The following NRG1 variants were observed in gnomAD, a reference collection of about 807,000 sequenced individuals.
NRG1 encodes neuregulin 1.
NRG1 carries 18 observed loss-of-function variants against 63.8 expected under a neutral mutation model. That is an observed-to-expected ratio of 0.28 (90% CI 0.19 to 0.42). The LOEUF is 0.42. NRG1 is among the 10% of genes least tolerant of loss of function. The probability of loss-of-function intolerance (pLI) is 1.00; values close to 1 mark genes in which losing one functional copy is unlikely to be tolerated. For synonymous variants in NRG1, 302 were observed against 301.3 expected, an observed-to-expected ratio of 1.00 and a Z score of -0.02; for missense variants, 762 against 814.7, an observed-to-expected ratio of 0.94 and a Z score of 0.79.
At chr8:32,729,074 T>TA (rs910432993) in intron 6 of NRG1, among the ~76,000 whole-genome samples, 4 of 151,416 alleles carry the variant, frequency 2.6e-5, no homozygotes, top group Admixed American at 6.6e-5. Context: ...TCCCAAAAAA[T>TA]AAAAAAAATA....
intron 1 of NRG1, among the ~76,000 whole-genome samples, chr8:32,070,545 G>A (rs1229779897): frequency 6.6e-6 from 1 of 152,136 alleles, no homozygotes; most frequent in Non-Finnish European, 1.5e-5. Context: ...TATTTATCCA[G>A]TGACTCAGTG....
At chr8:32,381,711 A>G (rs2129483364) in intron 1 of NRG1, among the ~76,000 whole-genome samples, 1 of 152,330 alleles carries the variant, frequency 6.6e-6, no homozygotes. Context: ...TAAATCAGCT[A>G]TGGTTAAAGA....
In NRG1 at chr8:31,845,606, G is replaced by GT. The variant is rs557761095; in HGVS notation, c.37+206184dup. On this transcript the variant is annotated intron_variant, in intron 1 of 10. Coordinates refer to the NRG1 transcript ENST00000519301. Reference sequence around the variant, plus strand: ...AGCATCATGAATTTAGGAGACTGGCGTTTTTTTTTACATAAAAGTTGCTTT... The same window carrying GT: ...AGCATCATGAATTTAGGAGACTGGCGTTTTTTTTTTACATAAAAGTTGCTTT... 6.0e-4 allele frequency among the ~76,000 whole-genome samples: 91 copies of GT among 150,588 alleles called. No homozygotes were observed. The East Asian group carries it at 8.0e-3, about 13-fold the overall frequency.
chr8:31,725,387 G>A (rs1048083148), intron 1 of NRG1, among the ~76,000 whole-genome samples: 1 of 152,144 alleles, frequency 6.6e-6, no homozygotes, highest in African/African-American at 2.4e-5. Flanking sequence ...TTTGTTGCTG[G>A]GAGTTGGGCA....
chr8:32,273,276 CA>C (rs1851736088), intron 1 of NRG1, among the ~76,000 whole-genome samples: 1 of 151,996 alleles, frequency 6.6e-6, no homozygotes, highest in Non-Finnish European at 1.5e-5. Context: ...GTTTTGGAAG[CA>C]ATTTAGAAAG....
chr8:32,296,608 C>A (rs992525502), intron 1 of NRG1, among the ~76,000 whole-genome samples: 1 of 122,406 alleles, frequency 8.2e-6, no homozygotes, highest in Non-Finnish European at 1.6e-5. Flanking sequence ...AAGAGTGAAA[C>A]TTTGTCCCAA....
intron 1 of NRG1, among the ~76,000 whole-genome samples, chr8:32,505,975 C>T (rs1411701679): frequency 6.6e-6 from 1 of 152,106 alleles, no homozygotes; most frequent in Non-Finnish European, 1.5e-5. Flanking sequence ...AGAGGTGAGG[C>T]GTGGTGGCTC....
At chr8:32,712,467 C>A (rs753424236) in intron 5 of NRG1, among the ~76,000 whole-genome samples, 1 of 152,070 alleles carries the variant, frequency 6.6e-6, no homozygotes, top group African/African-American at 2.4e-5. Flanking sequence ...GCAGCAACTG[C>A]GCATGCTATT....
intron 1 of NRG1, among the ~76,000 whole-genome samples, chr8:32,125,757 A>G (rs1446096524): frequency 6.6e-6 from 1 of 151,890 alleles, no homozygotes; most frequent in Non-Finnish European, 1.5e-5. Flanking sequence ...TTGATAAGAA[A>G]GATCTCCTTT....
At chr8:32,198,891 T>C (rs1843222992) in intron 1 of NRG1, among the ~76,000 whole-genome samples, 1 of 151,654 alleles carries the variant, frequency 6.6e-6, no homozygotes, top group Non-Finnish European at 1.5e-5. Context: ...TTAATATATA[T>C]ATATATCTTA....
intron 1 of NRG1, among the ~76,000 whole-genome samples, chr8:32,387,490 TGG>T (rs1811168395): frequency 6.6e-6 from 1 of 152,210 alleles, no homozygotes; most frequent in Admixed American, 6.5e-5. Context: ...AGAAGCTCTT[TGG>T]GTTGTGTTGC....
chr8:32,386,924 C>T (rs187993721), intron 1 of NRG1, among the ~76,000 whole-genome samples: 1 of 152,136 alleles, frequency 6.6e-6, no homozygotes, highest in East Asian at 1.9e-4. Flanking sequence ...CATATGCCTT[C>T]AAGAAGCCAA....
At chr8:31,942,810 A>G (rs527527680) in intron 1 of NRG1, among the ~76,000 whole-genome samples, 1 of 152,180 alleles carries the variant, frequency 6.6e-6, no homozygotes, top group East Asian at 1.9e-4. Flanking sequence ...ACTAATTATC[A>G]GGGAAATACA....
At chr8:32,540,951 G>A (rs933304969) in intron 1 of NRG1, among the ~76,000 whole-genome samples, 5 of 152,168 alleles carry the variant, frequency 3.3e-5, no homozygotes, top group Non-Finnish European at 7.4e-5. Context: ...TTAGCTAATT[G>A]TTCTGCTAAA....
chr8:32,128,338 G>A (rs752916911), intron 1 of NRG1, among the ~76,000 whole-genome samples: 5 of 151,868 alleles, frequency 3.3e-5, no homozygotes, highest in Non-Finnish European at 7.4e-5. Context: ...TAATTAGAGG[G>A]CAATGTGCAT....
At chr8:32,038,813 A>G (rs1203942727) in intron 1 of NRG1, among the ~76,000 whole-genome samples, 1 of 152,156 alleles carries the variant, frequency 6.6e-6, no homozygotes, top group East Asian at 1.9e-4. Context: ...GTCTTTTGTA[A>G]AGGAAGCTAG....
intron 1 of NRG1, among the ~76,000 whole-genome samples, chr8:32,239,617 A>C (rs558465146): frequency 6.6e-6 from 1 of 152,320 alleles, no homozygotes; most frequent in African/African-American, 2.4e-5. Flanking sequence ...AAGAATTAAA[A>C]GAAACACTAC....
At chr8:32,362,889 G>A (rs923725466) in intron 1 of NRG1, among the ~76,000 whole-genome samples, 6 of 152,104 alleles carry the variant, frequency 3.9e-5, no homozygotes, top group African/African-American at 1.4e-4. Flanking sequence ...AGAACATTGG[G>A]AGCCTGAAGC....
At chr8:32,425,080 A>G (rs1369412719) in intron 1 of NRG1, among the ~76,000 whole-genome samples, 1 of 152,196 alleles carries the variant, frequency 6.6e-6, no homozygotes, top group East Asian at 1.9e-4. Context: ...GATTTACTAT[A>G]TATCAGTAGC....
Sources: allele counts gnomAD v4.1 joint callset (sites outside exome capture counted in the v4.1 genomes callset), GRCh38; gene constraint gnomAD v4.1.1; transcripts MANE v1.5; gene names NCBI Gene and HGNC (gene_info 2026-07-23, HGNC 2026-07-21).